POU6F2: variants seen among roughly 807,000 people sequenced by gnomAD.
POU6F2 encodes the protein POU class 6 homeobox 2, also known as POU domain, class 6, transcription factor 2.
In POU6F2, 31 loss-of-function variants were observed where a neutral mutation model predicts 71.3. The ratio of observed to expected loss-of-function variants is 0.43; its 90% confidence interval spans 0.33 to 0.59. POU6F2 has a LOEUF of 0.59. Ranked by LOEUF, POU6F2 falls within the 20% of genes least tolerant of loss-of-function variation. The probability of loss-of-function intolerance (pLI) is 0.04; values close to 1 mark genes in which losing one functional copy is unlikely to be tolerated. For synonymous variants in POU6F2, 347 were observed against 355.7 expected, an observed-to-expected ratio of 0.98 and a Z score of 0.27; for missense variants, 783 against 856.8, an observed-to-expected ratio of 0.91 and a Z score of 1.07.
At chr7:39,078,431 A>G (rs959584943) in intron 1 of POU6F2, among the ~76,000 whole-genome samples, 31 of 152,220 alleles carry the variant, frequency 2.0e-4, no homozygotes, top group African/African-American at 7.2e-4. Flanking sequence ...TAATTTAACC[A>G]AATGAGAACC....
At position 39,146,279 on chromosome 7, in the gene POU6F2, A is replaced by G. The variant is rs529365221; in HGVS notation, c.278-57956A>G. On this transcript the variant is annotated intron_variant, in intron 2 of 9. Coordinates refer to ENST00000518318, the MANE Select transcript of POU6F2 (RefSeq NM_001370959.1). Reference sequence around the variant, plus strand: ...TAATGTGACTGTAATGGAACCATGGATGCCAAGGCCTAGGGGACACAGGAC... The same window carrying G: ...TAATGTGACTGTAATGGAACCATGGGTGCCAAGGCCTAGGGGACACAGGAC... Among the ~76,000 whole-genome samples, 56 of 152,258 alleles carry G rather than the reference A, an allele frequency of 3.7e-4. 2 individuals carry two copies. The South Asian group carries it at 9.3e-3, about 25-fold the overall frequency.
intron 4 of POU6F2, among the ~76,000 whole-genome samples, chr7:39,319,114 A>G (rs1363985828): frequency 6.6e-6 from 1 of 152,142 alleles, no homozygotes; most frequent in African/African-American, 2.4e-5. Flanking sequence ...TCTGGTGACA[A>G]AGGGAGACCC....
At chr7:39,080,731 A>G (rs1422953319) in intron 1 of POU6F2, among the ~76,000 whole-genome samples, 1 of 152,204 alleles carries the variant, frequency 6.6e-6, no homozygotes, top group Non-Finnish European at 1.5e-5. Flanking sequence ...ACATAAAAAT[A>G]TGCTGGACCT....
At position 39,042,955 on chromosome 7, in the gene POU6F2, A is replaced by C. The variant is rs980056683; in HGVS notation, c.106-42905A>C. On this transcript the variant is annotated intron_variant, in intron 1 of 9. Transcript: ENST00000518318. ...AGGCCTTGCCTTTGGAAGATTTGGA[A>C]ACACCTGCCAGGACATGAATAACAT... Among the ~76,000 whole-genome samples, 3 of 152,030 alleles carry C rather than the reference A, an allele frequency of 2.0e-5. 1 individual carries two copies. In the South Asian group the frequency reaches 6.2e-4, roughly 32 times the overall value.
intron 5 of POU6F2, among the ~76,000 whole-genome samples, chr7:39,350,756 AC>A (rs1786124529): frequency 6.6e-6 from 1 of 152,220 alleles, no homozygotes; most frequent in African/African-American, 2.4e-5. Context: ...AGAAAGGAAG[AC>A]CTGCATGTAA....
At chr7:39,198,750 C>G (rs1793833719) in intron 2 of POU6F2, among the ~76,000 whole-genome samples, 1 of 152,208 alleles carries the variant, frequency 6.6e-6, no homozygotes, top group African/African-American at 2.4e-5. Flanking sequence ...TAAAGAAATT[C>G]TAACTGGCAA....
intron 5 of POU6F2, among the ~76,000 whole-genome samples, chr7:39,397,100 G>A (rs990997015): frequency 6.6e-6 from 1 of 151,954 alleles, no homozygotes; most frequent in African/African-American, 2.4e-5. Context: ...GAGTTTTTAT[G>A]TCCTGGAATA....
chr7:39,338,117 G>A (rs1256818761), intron 4 of POU6F2, among the ~76,000 whole-genome samples: 1 of 152,124 alleles, frequency 6.6e-6, no homozygotes, highest in Non-Finnish European at 1.5e-5. Context: ...GGTTAGGTTC[G>A]ATTTGAATCA....
At chr7:39,324,738 G>C (rs949002088) in intron 4 of POU6F2, among the ~76,000 whole-genome samples, 1 of 152,182 alleles carries the variant, frequency 6.6e-6, no homozygotes, top group Admixed American at 6.5e-5. Context: ...TCATATAGAT[G>C]ATGCAACCAT....
chr7:39,174,128 A>T (rs1480987310), intron 2 of POU6F2, among the ~76,000 whole-genome samples: 2 of 152,180 alleles, frequency 1.3e-5, no homozygotes, highest in Non-Finnish European at 2.9e-5. Context: ...CCTTCAGTTC[A>T]CCCTGGAGGT....
At chr7:38,980,169 C>G (rs1167914966) in intron 1 of POU6F2, among the ~76,000 whole-genome samples, 1 of 152,110 alleles carries the variant, frequency 6.6e-6, no homozygotes, top group Non-Finnish European at 1.5e-5. Flanking sequence ...TCAAAGTAGT[C>G]ACATGCTTTC....
intron 1 of POU6F2, among the ~76,000 whole-genome samples, chr7:39,039,690 G>A (rs1790140721): frequency 1.3e-5 from 2 of 151,208 alleles, no homozygotes; most frequent in Non-Finnish European, 2.9e-5. Flanking sequence ...TAAAACAAAT[G>A]GTTTGAGACA....
At chr7:39,300,765 C>G (rs4723850) in intron 4 of POU6F2, among the ~76,000 whole-genome samples, 69,220 of 151,620 alleles carry the variant, frequency 0.46, 16,636 homozygotes, top group Admixed American at 0.59. Context: ...CCAGTCACAC[C>G]AGATTAGAGC....
chr7:39,350,399 G>A (rs1180416281), intron 5 of POU6F2, among the ~76,000 whole-genome samples: 2 of 152,096 alleles, frequency 1.3e-5, no homozygotes, highest in Non-Finnish European at 2.9e-5. Flanking sequence ...GAATCTGGTT[G>A]TCTTGGAAAC....
intron 1 of POU6F2, 141 bp downstream of exon 1, chr7:38,978,199 A>C (rs921931884): frequency 3.3e-5 from 5 of 152,238 alleles, no homozygotes; most frequent in African/African-American, 1.2e-4. Flanking sequence ...TGCGAAAGGC[A>C]AAAGGCACCC....
At chr7:39,371,821 G>T (rs111884917) in intron 5 of POU6F2, among the ~76,000 whole-genome samples, 1 of 152,250 alleles carries the variant, frequency 6.6e-6, no homozygotes, top group South Asian at 2.1e-4. Flanking sequence ...GCAGGAGCCA[G>T]CAGACATATT....
chr7:39,413,496 G>A (rs1017734326), intron 6 of POU6F2, among the ~76,000 whole-genome samples: 1 of 152,060 alleles, frequency 6.6e-6, no homozygotes, highest in African/African-American at 2.4e-5. Context: ...ATTATGAACA[G>A]AGCAATCTAT....
chr7:39,319,195 C>T (rs1181682124), intron 4 of POU6F2, among the ~76,000 whole-genome samples: 1 of 152,188 alleles, frequency 6.6e-6, no homozygotes, highest in South Asian at 2.1e-4. Flanking sequence ...CCACGTCCTA[C>T]ATGTCAACCA....
At chr7:39,196,226 G>A (rs1451592703) in intron 2 of POU6F2, among the ~76,000 whole-genome samples, 1 of 152,178 alleles carries the variant, frequency 6.6e-6, no homozygotes, top group Non-Finnish European at 1.5e-5. Context: ...AAAGGCAGGT[G>A]ACACCTTTCG....
Sources: allele counts gnomAD v4.1 joint callset (sites outside exome capture counted in the v4.1 genomes callset), GRCh38; gene constraint gnomAD v4.1.1; transcripts MANE v1.5; gene names NCBI Gene and HGNC (gene_info 2026-07-23, HGNC 2026-07-21).